Variants in RAB38 observed in about 807,000 individuals in gnomAD.
RAB38 encodes ras-related protein Rab-38.
In RAB38, 15 loss-of-function variants were observed where a neutral mutation model predicts 18.4. That is an observed-to-expected ratio of 0.82 (90% confidence interval 0.55 to 1.26). The LOEUF is 1.26. Among genes scored for constraint, RAB38 ranks in the 50% most tolerant of loss-of-function variants. The pLI, the probability that RAB38 is intolerant of heterozygous loss-of-function variation, is 0.00. For missense variants in RAB38, 294 were observed against 267.4 expected (o/e 1.10, Z -0.69); for synonymous variants, 101 against 104.4 (o/e 0.97, Z 0.20).
the RAB38 span, among the ~76,000 whole-genome samples, chr11:88,012,616 C>T: frequency 6.6e-5 from 10 of 152,106 alleles, no homozygotes; most frequent in Admixed American, 3.3e-4. Flanking sequence ...TGCCCTTTGT[C>T]TTGTGAACAG....
chr11:87,868,508 A>T, the RAB38 span, among the ~76,000 whole-genome samples: 1 of 148,498 alleles, frequency 6.7e-6, no homozygotes, highest in African/African-American at 2.5e-5. Flanking sequence ...ACATTATGTG[A>T]CAAAGAATGT....
the RAB38 span, chr11:87,815,764 T>C: frequency 6.6e-6 from 1 of 152,254 alleles, no homozygotes; most frequent in Non-Finnish European, 1.5e-5. Context: ...TGGGAGCATG[T>C]AGCCTATGAA....
chr11:87,845,066 C>T, the RAB38 span, among the ~76,000 whole-genome samples: 141 of 152,260 alleles, frequency 9.3e-4, 2 homozygotes, highest in Admixed American at 3.1e-3. Flanking sequence ...GAAATTTGAA[C>T]CATCATCCAC....
At chr11:88,088,480 T>C in the RAB38 span, among the ~76,000 whole-genome samples, 2 of 151,906 alleles carry the variant, frequency 1.3e-5, no homozygotes, top group Non-Finnish European at 2.9e-5. Flanking sequence ...CATCAGGTGA[T>C]CTTTTTTTAA....
chr11:88,041,517 T>C, the RAB38 span, among the ~76,000 whole-genome samples: 1 of 152,240 alleles, frequency 6.6e-6, no homozygotes, highest in South Asian at 2.1e-4. Flanking sequence ...GTACCTTGAA[T>C]GTAACGAGTA....
chr11:88,098,832 C>T, the RAB38 span: 1 of 151,888 alleles, frequency 6.6e-6, no homozygotes, highest in Non-Finnish European at 1.5e-5. Flanking sequence ...CTTGTGGTAT[C>T]TCCTCCAGGT....
the RAB38 span, among the ~76,000 whole-genome samples, chr11:87,846,681 T>C: frequency 6.6e-6 from 1 of 152,064 alleles, no homozygotes; most frequent in Non-Finnish European, 1.5e-5. Flanking sequence ...TCTCAATAAT[T>C]ATAATGAACT....
At chr11:87,907,607 A>C in the RAB38 span, among the ~76,000 whole-genome samples, 2 of 151,636 alleles carry the variant, frequency 1.3e-5, no homozygotes, top group Admixed American at 6.6e-5. Flanking sequence ...CCAATATATA[A>C]AAATTAAACC....
intron 2 of RAB38, among the ~76,000 whole-genome samples, chr11:88,130,613 T>C (rs1942755054): frequency 6.6e-6 from 1 of 152,194 alleles, no homozygotes; most frequent in Non-Finnish European, 1.5e-5. Context: ...TTTAGTATAA[T>C]GCCCCTCTTA....
intron 2 of RAB38, among the ~76,000 whole-genome samples, chr11:88,123,096 G>A (rs1356739501): frequency 1.3e-5 from 2 of 152,148 alleles, no homozygotes; most frequent in African/African-American, 4.8e-5. Context: ...ACAATCTCCT[G>A]TCTCCTTCTT....
chr11:87,897,264 C>T, the RAB38 span, among the ~76,000 whole-genome samples: 2 of 151,638 alleles, frequency 1.3e-5, no homozygotes, highest in South Asian at 2.1e-4. Flanking sequence ...AGAGTTGGTG[C>T]CAAAGTCCTA....
chr11:87,943,674 G>T, the RAB38 span, among the ~76,000 whole-genome samples: 2 of 152,256 alleles, frequency 1.3e-5, no homozygotes, highest in East Asian at 3.9e-4. Context: ...GCCTGTGAAA[G>T]GGTAAATGAT....
chr11:87,898,222 C>T, the RAB38 span, among the ~76,000 whole-genome samples: 1 of 151,578 alleles, frequency 6.6e-6, no homozygotes, highest in East Asian at 2.0e-4. Context: ...GATCTCCAGT[C>T]TCTGTTCTTC....
the RAB38 span, among the ~76,000 whole-genome samples, chr11:87,929,739 G>A: frequency 4.7e-4 from 47 of 100,046 alleles, no homozygotes; most frequent in Non-Finnish European, 7.3e-4. Context: ...AACAGGCCCC[G>A]GTGTGTGACG....
At chr11:87,903,570 C>T in the RAB38 span, among the ~76,000 whole-genome samples, 2 of 151,482 alleles carry the variant, frequency 1.3e-5, no homozygotes, top group African/African-American at 4.8e-5. Context: ...AATGCAGCCT[C>T]ATAAAATGAG....
the RAB38 span, chr11:87,817,684 T>C: frequency 5.3e-5 from 8 of 152,194 alleles, no homozygotes; most frequent in Non-Finnish European, 8.8e-5. Flanking sequence ...TTATTATTTT[T>C]ATGCAAAATA....
the RAB38 span, among the ~76,000 whole-genome samples, chr11:87,830,387 G>A: frequency 1.3e-5 from 2 of 152,010 alleles, no homozygotes; most frequent in African/African-American, 4.8e-5. Flanking sequence ...AGGCTGAGGT[G>A]GAAGAATAGT....
chr11:87,920,512 A>G, the RAB38 span, among the ~76,000 whole-genome samples: 1 of 151,972 alleles, frequency 6.6e-6, no homozygotes, highest in Admixed American at 6.6e-5. Flanking sequence ...ACTTGATATG[A>G]TTTCAATCTT....
At chr11:87,951,488 G>T in the RAB38 span, among the ~76,000 whole-genome samples, 12 of 148,044 alleles carry the variant, frequency 8.1e-5, no homozygotes, top group African/African-American at 3.1e-4. Flanking sequence ...TAGAGTTTCT[G>T]GTTTTTCTGC....
Sources: allele counts gnomAD v4.1 joint callset (sites outside exome capture counted in the v4.1 genomes callset), GRCh38; gene constraint gnomAD v4.1.1; transcripts MANE v1.5; gene names NCBI Gene and HGNC (gene_info 2026-07-23, HGNC 2026-07-21).